The following ARHGEF12 variants were observed in gnomAD, a reference collection of about 807,000 sequenced individuals.
The protein encoded by ARHGEF12 is Rho guanine nucleotide exchange factor 12.
ARHGEF12 carries 66 observed loss-of-function variants against 211.2 expected under a neutral mutation model. The ratio of observed to expected loss-of-function variants is 0.31; its 90% CI spans 0.26 to 0.38. The LOEUF is 0.38. ARHGEF12 is among the 10% of genes least tolerant of loss of function. ARHGEF12 has a pLI of 1.00. For missense variants in ARHGEF12, 1,429 were observed against 1,869.5 expected (o/e 0.76, Z 4.34); for synonymous variants, 592 against 638.4 (o/e 0.93, Z 1.09).
chr11:120,341,019 T>C (rs542159741), intron 1 of ARHGEF12, among the ~76,000 whole-genome samples: 27 of 152,346 alleles, frequency 1.8e-4, no homozygotes, highest in African/African-American at 6.3e-4. Flanking sequence ...ACTTAACACA[T>C]TGGTGGTTTC....
intron 1 of ARHGEF12, among the ~76,000 whole-genome samples, chr11:120,349,505 G>A (rs1423378369): frequency 6.6e-6 from 1 of 152,056 alleles, no homozygotes; most frequent in African/African-American, 2.4e-5. Context: ...GAGGAGCAGT[G>A]GAAGGGAACT....
chr11:120,467,748 A>G (rs1946750767), intron 29 of ARHGEF12, among the ~76,000 whole-genome samples: 1 of 151,848 alleles, frequency 6.6e-6, no homozygotes, highest in Non-Finnish European at 1.5e-5. Context: ...ATTTTCTAAC[A>G]AGATATGATC....
At position 120,407,838 on chromosome 11, in the gene ARHGEF12, A is replaced by G. The variant is rs1377825796; in HGVS notation, c.142+15A>G. 1 of 1,605,946 alleles carries G rather than the reference A, an allele frequency of 6.2e-7. No individual in the cohort carries two copies. The highest frequency in any genetic ancestry group is 8.5e-7 in the Non-Finnish European group (1 of 1,173,142). On this transcript the variant is annotated intron_variant, in intron 3 of 40. Coordinates refer to ENST00000397843, the MANE Select transcript of ARHGEF12 (RefSeq NM_015313.3). ...TGACCCCACAGGTAAAACACTATTC[A>G]TTCTTTCAAAGAGTATTGAGAGTAG... is the stretch of plus-strand genomic sequence containing the variant.
intron 1 of ARHGEF12, among the ~76,000 whole-genome samples, chr11:120,360,415 C>T (rs1180507991): frequency 6.6e-6 from 1 of 152,080 alleles, no homozygotes; most frequent in Non-Finnish European, 1.5e-5. Context: ...TATTTTGAGA[C>T]AAGGTCTCAC....
chr11:120,474,534 G>T (rs749599156), intron 31 of ARHGEF12, 26 bp from the exon 32 acceptor site: 3 of 1,548,816 alleles, frequency 1.9e-6, no homozygotes, highest in African/African-American at 2.7e-5. Context: ...GAAATTATTT[G>T]TGCATGATTT....
At chr11:120,443,149 G>C (rs1945934360) in intron 15 of ARHGEF12, among the ~76,000 whole-genome samples, 1 of 151,246 alleles carries the variant, frequency 6.6e-6, no homozygotes, top group South Asian at 2.1e-4. Context: ...AGCCTCCCAA[G>C]TAGCTGGGAC....
intron 22 of ARHGEF12, 86 bp downstream of exon 22, chr11:120,451,810 C>CA: frequency 8.1e-7 from 1 of 1,234,906 alleles, no homozygotes; most frequent in Non-Finnish European, 1.1e-6. Flanking sequence ...GCAAGTTAAT[C>CA]AAGACTAAAT....
chr11:120,461,278 C>T (rs1382412799), intron 27 of ARHGEF12, among the ~76,000 whole-genome samples: 1 of 152,168 alleles, frequency 6.6e-6, no homozygotes, highest in African/African-American at 2.4e-5. Context: ...ACTCCTTGGT[C>T]CATGAGCTGC....
At chr11:120,433,626 A>G (rs1032453345) in intron 11 of ARHGEF12, among the ~76,000 whole-genome samples, 1 of 152,216 alleles carries the variant, frequency 6.6e-6, no homozygotes, top group African/African-American at 2.4e-5. Context: ...GAATGTTACA[A>G]TAAAACATGT....
At position 120,489,155 on chromosome 11, in the gene ARHGEF12, C is replaced by T. The variant is rs1485061920; in HGVS notation, c.*4078C>T. On this transcript the variant is annotated 3_prime_UTR_variant, in exon 41 of 41. Coordinates refer to ENST00000397843, the MANE Select transcript of ARHGEF12 (RefSeq NM_015313.3). ...TCAGTGACTGTCAGACATCTTCCTG[C>T]TTATTAGAGCATCCCTAGCAACAAG... 2 of 226,950 alleles carry T rather than the reference C, an allele frequency of 8.8e-6. No individual in the cohort carries two copies. Among genetic ancestry groups the T allele is most frequent in the Non-Finnish European group, 1.8e-5 (2 of 114,042 alleles). The allele number at this position is 226,950 out of a possible 1,614,324, so 14.1% of individuals were successfully genotyped here.
At chr11:120,478,091 T>C in intron 36 of ARHGEF12, 65 bp from the exon 37 acceptor site, 1 of 1,043,376 alleles carries the variant, frequency 9.6e-7, no homozygotes, top group South Asian at 1.5e-5. Flanking sequence ...CTTCCCTGAA[T>C]GCTTCATGTT....
chr11:120,337,338 G>A, intron 1 of ARHGEF12, 63 bp downstream of exon 1: 1 of 1,610,292 alleles, frequency 6.2e-7, no homozygotes, highest in Non-Finnish European at 8.5e-7. Context: ...CAGGGGAGTC[G>A]GTGATTGCAG....
intron 1 of ARHGEF12, among the ~76,000 whole-genome samples, chr11:120,356,822 T>C (rs1201110796): frequency 2.0e-5 from 3 of 152,192 alleles, no homozygotes; most frequent in African/African-American, 7.2e-5. Context: ...AATCTCTCCA[T>C]GCAAAATACA....
intron 1 of ARHGEF12, among the ~76,000 whole-genome samples, chr11:120,355,307 T>TA (rs1943102424): frequency 6.6e-6 from 1 of 152,238 alleles, no homozygotes; most frequent in Admixed American, 6.5e-5. Context: ...ATTTGTATAC[T>TA]AGTCGTTTAC....
intron 22 of ARHGEF12, among the ~76,000 whole-genome samples, chr11:120,456,759 C>G (rs927298462): frequency 3.9e-5 from 6 of 152,048 alleles, no homozygotes; most frequent in Non-Finnish European, 7.4e-5. Context: ...TTTGGGTGGC[C>G]AAGGCGAAAG....
chr11:120,446,335 G>A, intron 16 of ARHGEF12, 68 bp from the exon 17 acceptor site: 1 of 1,208,596 alleles, frequency 8.3e-7, no homozygotes, highest in Non-Finnish European at 1.2e-6. Flanking sequence ...AAGTAGCATT[G>A]CTATGTTGCC....
intron 9 of ARHGEF12, 90 bp downstream of exon 9, chr11:120,429,607 C>T: frequency 1.3e-6 from 2 of 1,551,666 alleles, no homozygotes; most frequent in South Asian, 2.3e-5. Context: ...AATCAAGCAG[C>T]ATTGTAACCA....
intron 1 of ARHGEF12, among the ~76,000 whole-genome samples, chr11:120,388,519 A>G (rs1316980379): frequency 6.6e-6 from 1 of 152,194 alleles, no homozygotes; most frequent in Non-Finnish European, 1.5e-5. Flanking sequence ...GTAGGTATAT[A>G]TTTTAACTCT....
intron 1 of ARHGEF12, among the ~76,000 whole-genome samples, chr11:120,392,340 CT>C (rs879785212): frequency 1.3e-5 from 2 of 152,002 alleles, no homozygotes; most frequent in Non-Finnish European, 2.9e-5. Flanking sequence ...CAAATAATAT[CT>C]TTTTTTAATA....
Sources: gnomAD v4.1 joint callset for allele counts (sites outside exome capture counted in the v4.1 genomes callset) on GRCh38, gnomAD v4.1.1 for gene constraint, MANE v1.5 for transcripts, NCBI Gene and HGNC (gene_info 2026-07-23, HGNC 2026-07-21) for gene names.